Variants in ATP7A observed in about 807,000 individuals in gnomAD.
ATP7A encodes ATPase copper transporting alpha, also known as copper-transporting ATPase 1.
In ATP7A, 7 loss-of-function variants were observed where a neutral mutation model predicts 83.5. The ratio of observed to expected loss-of-function variants is 0.08; its 90% CI spans 0.05 to 0.16. ATP7A has a LOEUF of 0.16. ATP7A is among the 10% of genes least tolerant of loss of function. ATP7A has a pLI of 1.00. For missense variants in ATP7A, 940 were observed against 1,120.8 expected (o/e 0.84, Z 2.30); for synonymous variants, 354 against 395.2 (o/e 0.90, Z 1.24).
intron 16 of ATP7A, among the ~76,000 whole-genome samples, chrX:78,031,857 A>G (rs781940569): frequency 2.7e-5 from 3 of 112,239 alleles, no homozygotes; most frequent in African/African-American, 9.7e-5. Flanking sequence ...GACAATTCAG[A>G]TAGTTCAGAG....
intron 21 of ATP7A, among the ~76,000 whole-genome samples, chrX:78,044,575 T>A (rs1285849567): frequency 8.9e-6 from 1 of 111,882 alleles, no homozygotes; most frequent in Non-Finnish European, 1.9e-5. Context: ...TCTTGTTACA[T>A]AGTTGTGATT....
chrX:77,970,881 G>A, intron 1 of ATP7A, among the ~76,000 whole-genome samples: 1 of 111,745 alleles, frequency 8.9e-6, no homozygotes, highest in East Asian at 2.8e-4. Context: ...GAGTATGTTA[G>A]AAGGTGGTAC....
At chrX:78,027,214 T>G (rs2077951418) in intron 14 of ATP7A, among the ~76,000 whole-genome samples, 1 of 110,842 alleles carries the variant, frequency 9.0e-6, no homozygotes. Context: ...CCATAAAGAT[T>G]TCTCCAAAAG....
At chrX:78,017,229 C>T (rs1424521279) in intron 12 of ATP7A, among the ~76,000 whole-genome samples, 3 of 112,176 alleles carry the variant, frequency 2.7e-5, no homozygotes, top group African/African-American at 9.8e-5. Context: ...CTGAGTTGTA[C>T]CTTGACCCCT....
intron 1 of ATP7A, among the ~76,000 whole-genome samples, chrX:77,925,706 A>G (rs782481052): frequency 5.4e-5 from 6 of 111,439 alleles, no homozygotes; most frequent in South Asian, 7.5e-4. Flanking sequence ...TCAAACTCAC[A>G]TATACATTTT....
chrX:77,917,424 A>T (rs890442314), intron 1 of ATP7A, among the ~76,000 whole-genome samples: 1 of 111,576 alleles, frequency 9.0e-6, no homozygotes, highest in Non-Finnish European at 1.9e-5. Flanking sequence ...TTTTATAGTA[A>T]GTTTTCTCAG....
intron 1 of ATP7A, among the ~76,000 whole-genome samples, chrX:77,921,375 G>A (rs1028034281): frequency 6.3e-5 from 7 of 111,989 alleles, no homozygotes; most frequent in East Asian, 2.8e-4. Context: ...ATTATGATAC[G>A]TTCATATAGT....
chrX:77,967,039 G>A lies in ATP7A; in HGVS notation c.-21-4582G>A, dbSNP rs782030461. 5.4e-5 allele frequency among the ~76,000 whole-genome samples: 6 copies of A among 111,420 alleles called. No individual in the cohort carries two copies. The South Asian group carries it at 2.3e-3, about 42-fold the overall frequency. Reference sequence around the variant, plus strand: ...GTTCCTGTGTTAGTCTGCTGAGGATGATGGTTTCCAGCTTCATTCATATCC... The same window carrying A: ...GTTCCTGTGTTAGTCTGCTGAGGATAATGGTTTCCAGCTTCATTCATATCC... On this transcript the variant is annotated intron_variant, in intron 1 of 22. Coordinates refer to ENST00000341514, the MANE Select transcript of ATP7A (RefSeq NM_000052.7).
chrX:78,001,169 A>G (rs924745457), intron 5 of ATP7A, among the ~76,000 whole-genome samples: 3 of 111,528 alleles, frequency 2.7e-5, no homozygotes, highest in African/African-American at 6.5e-5. Context: ...TACCTTTCCT[A>G]TATTACTGAC....
intron 16 of ATP7A, among the ~76,000 whole-genome samples, chrX:78,032,370 A>C (rs2077988536): frequency 8.9e-6 from 1 of 111,844 alleles, no homozygotes; most frequent in Admixed American, 9.5e-5. Context: ...CATGCAGTTA[A>C]ATTTTGATGA....
intron 1 of ATP7A, chrX:77,965,423 C>T: frequency 3.1e-6 from 1 of 325,251 alleles, no homozygotes; most frequent in Non-Finnish European, 6.0e-6. Flanking sequence ...AGATGCTTGA[C>T]ATCATCAGTA....
chrX:78,003,879 T>A (rs781901463), intron 6 of ATP7A, among the ~76,000 whole-genome samples: 1 of 110,974 alleles, frequency 9.0e-6, no homozygotes, highest in Non-Finnish European at 1.9e-5. Context: ...GCGGCGGAGG[T>A]TGCAGTGAGC....
chrX:77,952,962 T>G (rs1040624128), intron 1 of ATP7A, among the ~76,000 whole-genome samples: 36 of 110,037 alleles, frequency 3.3e-4, no homozygotes, highest in African/African-American at 9.9e-4. Context: ...TTGCATTTTT[T>G]GTGGAGACAC....
chrX:77,926,437 TCTC>T (rs1175808177), intron 1 of ATP7A, among the ~76,000 whole-genome samples: 1 of 110,615 alleles, frequency 9.0e-6, no homozygotes, highest in Non-Finnish European at 1.9e-5. Context: ...TTCAAATGAT[TCTC>T]CTGCCTCAGC....
chrX:77,911,764 C>T (rs1424076742), intron 1 of ATP7A, among the ~76,000 whole-genome samples: 1 of 110,313 alleles, frequency 9.1e-6, no homozygotes, highest in African/African-American at 3.3e-5. Context: ...GCCATCATGG[C>T]GAAACCCTGT....
intron 11 of ATP7A, 131 bp from the exon 12 acceptor site, chrX:78,015,623 A>T: frequency 1.2e-6 from 1 of 854,163 alleles, no homozygotes; most frequent in South Asian, 2.2e-5. Context: ...TTCCTAGTTT[A>T]AATGTTGGTT....
intron 2 of ATP7A, among the ~76,000 whole-genome samples, chrX:77,977,529 A>C (rs1427331521): frequency 2.7e-5 from 3 of 112,340 alleles, no homozygotes; most frequent in African/African-American, 9.7e-5. Flanking sequence ...TATAACTATA[A>C]AACTAGATTC....
rs1289398316 is a variant in ATP7A at position 78,048,464 on chromosome X, TG to T, written c.*1899del. ...TCTAGAGCAGAGTCTTAAAATCAGG[TG>T]GGGGTAGGGGATGGAGTTCTTCCTT... On this transcript the variant is annotated 3_prime_UTR_variant, in exon 23 of 23. Transcript: ENST00000341514. 6 of 112,057 alleles carry T rather than the reference TG, an allele frequency of 5.4e-5. No individual in the cohort carries two copies. Among genetic ancestry groups the T allele is most frequent in the African/African-American group, 1.3e-4 (4 of 30,748 alleles). 9.2% of individuals were successfully genotyped at this position (112,057 alleles called of 1,213,427 possible).
intron 1 of ATP7A, among the ~76,000 whole-genome samples, chrX:77,953,620 C>T (rs1237639271): frequency 1.8e-5 from 2 of 112,148 alleles, no homozygotes; most frequent in Admixed American, 9.5e-5. Flanking sequence ...ATTGCTTAGC[C>T]CCTGTTGGAA....
Sources: allele counts gnomAD v4.1 joint callset (sites outside exome capture counted in the v4.1 genomes callset), GRCh38; gene constraint gnomAD v4.1.1; transcripts MANE v1.5; gene names NCBI Gene and HGNC (gene_info 2026-07-23, HGNC 2026-07-21).